The following NRG1 variants were observed in gnomAD, a reference collection of about 807,000 sequenced individuals.
The protein encoded by NRG1 is pro-neuregulin-1, membrane-bound isoform.
NRG1 carries 18 observed loss-of-function variants against 63.8 expected under a neutral mutation model. The observed-to-expected ratio is 0.28, with a 90% CI of 0.19 to 0.42. The LOEUF is 0.42. NRG1 is among the 10% of genes least tolerant of loss of function. NRG1 has a pLI of 1.00. For missense variants in NRG1, 762 were observed against 814.7 expected (o/e 0.94, Z 0.79); for synonymous variants, 302 against 301.3 (o/e 1.00, Z -0.02).
chr8:32,168,670 A>G (rs965621564), intron 1 of NRG1, among the ~76,000 whole-genome samples: 4 of 152,224 alleles, frequency 2.6e-5, no homozygotes, highest in Non-Finnish European at 5.9e-5. Flanking sequence ...CATAAAATCC[A>G]TGAAGACAGA....
chr8:31,984,024 A>T (rs1271420394), intron 1 of NRG1, among the ~76,000 whole-genome samples: 1 of 152,098 alleles, frequency 6.6e-6, no homozygotes, highest in Non-Finnish European at 1.5e-5. Flanking sequence ...TCATGTTCAG[A>T]AGAGTTTTAC....
intron 1 of NRG1, among the ~76,000 whole-genome samples, chr8:32,293,195 T>G (rs1370545367): frequency 6.6e-6 from 1 of 152,210 alleles, no homozygotes; most frequent in East Asian, 1.9e-4. Flanking sequence ...TGTTCCGTTA[T>G]ATGATAAAAT....
At chr8:32,495,055 C>T (rs1249148843) in intron 1 of NRG1, among the ~76,000 whole-genome samples, 1 of 152,120 alleles carries the variant, frequency 6.6e-6, no homozygotes, top group Admixed American at 6.5e-5. Context: ...GATGTATTTC[C>T]CTTTGATTCT....
chr8:31,730,525 T>G (rs1415487690), intron 1 of NRG1, among the ~76,000 whole-genome samples: 2 of 152,220 alleles, frequency 1.3e-5, no homozygotes, highest in East Asian at 3.9e-4. Flanking sequence ...TGGGGAAAGA[T>G]AGATTGGGGA....
intron 1 of NRG1, among the ~76,000 whole-genome samples, chr8:32,304,745 T>G (rs1399771948): frequency 6.6e-6 from 1 of 152,106 alleles, no homozygotes. Context: ...CCAGGTGTGG[T>G]TGTCTCACAC....
intron 1 of NRG1, among the ~76,000 whole-genome samples, chr8:32,388,835 AG>A (rs1811356245): frequency 6.6e-6 from 1 of 152,174 alleles, no homozygotes; most frequent in Non-Finnish European, 1.5e-5. Flanking sequence ...GGGGGGAAAT[AG>A]GAATGAGTTT....
At chr8:32,201,112 A>G (rs726908) in intron 1 of NRG1, among the ~76,000 whole-genome samples, 62,977 of 152,112 alleles carry the variant, frequency 0.41, 16,078 homozygotes, top group Admixed American at 0.55. Flanking sequence ...AAGTTCAGGC[A>G]GTCTCCATTT....
chr8:32,460,435 G>A (rs2129488870), intron 1 of NRG1, among the ~76,000 whole-genome samples: 1 of 152,312 alleles, frequency 6.6e-6, no homozygotes, highest in South Asian at 2.1e-4. Flanking sequence ...AGGCTCTTAA[G>A]TACCTGTCAG....
At chr8:32,721,239 G>A (rs1286378355) in intron 5 of NRG1, among the ~76,000 whole-genome samples, 1 of 152,090 alleles carries the variant, frequency 6.6e-6, no homozygotes, top group Non-Finnish European at 1.5e-5. Context: ...TAAAATATAG[G>A]ATAAACTATA....
chr8:32,130,655 T>G (rs1000396825), intron 1 of NRG1, among the ~76,000 whole-genome samples: 4 of 151,970 alleles, frequency 2.6e-5, no homozygotes, highest in Non-Finnish European at 4.4e-5. Context: ...ATAGACATTT[T>G]AGAGGATGTG....
intron 6 of NRG1, among the ~76,000 whole-genome samples, chr8:32,734,836 T>C (rs1023478183): frequency 1.3e-5 from 2 of 152,202 alleles, no homozygotes; most frequent in East Asian, 1.9e-4. Flanking sequence ...TCCTCACTTA[T>C]AAAAATCAGT....
chr8:32,125,879 G>A (rs1834010783), intron 1 of NRG1, among the ~76,000 whole-genome samples: 2 of 151,962 alleles, frequency 1.3e-5, no homozygotes, highest in Admixed American at 6.6e-5. Context: ...ATGATTTTGG[G>A]GCTCCATAAA....
chr8:32,324,117 A>G (rs752656643), intron 1 of NRG1, among the ~76,000 whole-genome samples: 4 of 151,702 alleles, frequency 2.6e-5, no homozygotes, highest in Non-Finnish European at 5.9e-5. Context: ...TCCACCCCAA[A>G]CTGATTGTGT....
At chr8:31,844,120 A>G (rs891057414) in intron 1 of NRG1, among the ~76,000 whole-genome samples, 1 of 152,224 alleles carries the variant, frequency 6.6e-6, no homozygotes. Context: ...TCATTGTTAC[A>G]GAGTTGGAAA....
intron 5 of NRG1, among the ~76,000 whole-genome samples, chr8:32,674,663 G>A (rs1233652218): frequency 6.6e-6 from 1 of 152,120 alleles, no homozygotes; most frequent in East Asian, 1.9e-4. Flanking sequence ...CTGAATGCAT[G>A]GCTTTTCAAT....
chr8:31,933,648 G>T (rs909854073), intron 1 of NRG1, among the ~76,000 whole-genome samples: 3 of 152,162 alleles, frequency 2.0e-5, no homozygotes, highest in Admixed American at 2.0e-4. Flanking sequence ...AGATCAGAAA[G>T]CTAGAAAGTC....
At chr8:31,653,198 A>G (rs1805077272) in intron 1 of NRG1, among the ~76,000 whole-genome samples, 2 of 152,000 alleles carry the variant, frequency 1.3e-5, no homozygotes, top group Admixed American at 6.6e-5. Context: ...TCTATAATGA[A>G]TGCACATTAC....
intron 1 of NRG1, among the ~76,000 whole-genome samples, chr8:32,401,398 C>T (rs537111897): frequency 3.9e-5 from 6 of 152,272 alleles, no homozygotes; most frequent in African/African-American, 1.4e-4. Context: ...TTAGTTTTCT[C>T]TCTGGCACTT....
At chr8:32,084,092 A>G (rs548408576) in intron 1 of NRG1, among the ~76,000 whole-genome samples, 3 of 152,176 alleles carry the variant, frequency 2.0e-5, no homozygotes, top group African/African-American at 7.2e-5. Context: ...ATTAAGACCA[A>G]TGTGAAGCAT....
Sources: gnomAD v4.1 joint callset for allele counts (sites outside exome capture counted in the v4.1 genomes callset) on GRCh38, gnomAD v4.1.1 for gene constraint, MANE v1.5 for transcripts, NCBI Gene and HGNC (gene_info 2026-07-23, HGNC 2026-07-21) for gene names.